The following ADCY1 variants were observed in gnomAD, a reference collection of about 807,000 sequenced individuals.
The protein encoded by ADCY1 is adenylate cyclase type 1.
Under a neutral mutation model 105.4 loss-of-function variants are expected in ADCY1, and 28 were observed. The ratio of observed to expected loss-of-function variants is 0.27; its 90% CI spans 0.20 to 0.36. The LOEUF is 0.36. Ranked by LOEUF, ADCY1 falls within the 10% of genes least tolerant of loss-of-function variation. ADCY1 has a pLI of 1.00. For synonymous variants in ADCY1, 655 were observed against 623.8 expected (o/e 1.05, Z -0.75); for missense variants, 977 against 1,434.2 (o/e 0.68, Z 5.15).
chr7:45,640,982 C>A (rs1794512996), intron 4 of ADCY1, among the ~76,000 whole-genome samples: 1 of 152,144 alleles, frequency 6.6e-6, no homozygotes, highest in Non-Finnish European at 1.5e-5. Context: ...TTTTGTTCAA[C>A]CTTTAATTGC....
At position 45,721,478 on chromosome 7, in the gene ADCY1, C is replaced by G. The variant is rs559596238; in HGVS notation, c.*7483C>G. ...TGCCTTATTTTTTTGTAAAGCCTCT[C>G]TGACATCAAATGGGGAGAAATGGTG... On this transcript the variant is annotated 3_prime_UTR_variant, in exon 20 of 20. Coordinates refer to ENST00000297323, the MANE Select transcript of ADCY1 (RefSeq NM_021116.4). 1 of 393,858 alleles carries G rather than the reference C, an allele frequency of 2.5e-6. No individual in the cohort carries two copies. The highest frequency in any genetic ancestry group is 4.5e-6 in the Non-Finnish European group (1 of 223,784). 24.4% of individuals were successfully genotyped at this position (393,858 alleles called of 1,614,324 possible). A position where few individuals can be genotyped will look rare whatever the true frequency, so the allele number is the denominator to read the frequency against.
chr7:45,581,844 A>AAC (rs769288579), intron 1 of ADCY1, among the ~76,000 whole-genome samples: 26 of 152,028 alleles, frequency 1.7e-4, no homozygotes, highest in Middle Eastern at 3.4e-3. Context: ...CACACACATA[A>AAC]ACACACACAC....
chr7:45,687,882 A>G (rs538409713), intron 14 of ADCY1, among the ~76,000 whole-genome samples: 1 of 152,284 alleles, frequency 6.6e-6, no homozygotes, highest in South Asian at 2.1e-4. Flanking sequence ...TTTTCACCCT[A>G]GTCCTACTCT....
intron 19 of ADCY1, among the ~76,000 whole-genome samples, chr7:45,712,047 T>A (rs1448052873): frequency 1.5e-5 from 2 of 129,262 alleles, no homozygotes; most frequent in Non-Finnish European, 3.1e-5. Context: ...ATATTTTATA[T>A]AATATATTAA....
intron 8 of ADCY1, among the ~76,000 whole-genome samples, chr7:45,668,717 C>T (rs1388854217): frequency 6.6e-6 from 1 of 152,324 alleles, no homozygotes; most frequent in East Asian, 1.9e-4. Flanking sequence ...AGCAGCTCCT[C>T]CTTGTACCTC....
intron 2 of ADCY1, among the ~76,000 whole-genome samples, chr7:45,604,079 C>T (rs762110192): frequency 4.6e-5 from 7 of 152,160 alleles, no homozygotes; most frequent in Non-Finnish European, 8.8e-5. Flanking sequence ...CCTAAAAGTA[C>T]AGTTGCTGGG....
intron 4 of ADCY1, among the ~76,000 whole-genome samples, chr7:45,631,917 C>T (rs1445709618): frequency 6.6e-6 from 1 of 152,142 alleles, no homozygotes; most frequent in Admixed American, 6.6e-5. Flanking sequence ...CCTGTGTTTT[C>T]TTCTAGGGGT....
At chr7:45,643,911 C>CG (rs1252105729) in intron 4 of ADCY1, among the ~76,000 whole-genome samples, 4 of 152,174 alleles carry the variant, frequency 2.6e-5, no homozygotes, top group Non-Finnish European at 5.9e-5. Flanking sequence ...GGGAGGCTTC[C>CG]GGGGACCTGA....
intron 3 of ADCY1, among the ~76,000 whole-genome samples, chr7:45,617,892 G>A (rs1199105563): frequency 1.3e-5 from 2 of 152,132 alleles, no homozygotes; most frequent in African/African-American, 4.8e-5. Flanking sequence ...CAAAATTCAT[G>A]TGTTACTACA....
intron 3 of ADCY1, among the ~76,000 whole-genome samples, chr7:45,617,796 CTG>C (rs1793778309): frequency 6.6e-6 from 1 of 152,166 alleles, no homozygotes; most frequent in African/African-American, 2.4e-5. Flanking sequence ...ACTAAAATGA[CTG>C]TAATACCCAA....
chr7:45,714,006 G>C lies in ADCY1; in HGVS notation c.*11G>C, dbSNP rs78072512. ...GGGAAGGAGGCTTAGTGGAGCCCACGTGGGCCTCTGGGGTGCACATGGGGT... is the reference window on the plus strand; with the variant it reads ...GGGAAGGAGGCTTAGTGGAGCCCACCTGGGCCTCTGGGGTGCACATGGGGT... On this transcript the variant is annotated 3_prime_UTR_variant, in exon 20 of 20. Coordinates refer to ENST00000297323, the MANE Select transcript of ADCY1 (RefSeq NM_021116.4). The C allele has an allele frequency of 2.6e-6, 2 of 769,054 alleles. No individual in the cohort carries two copies. Among genetic ancestry groups the C allele is most frequent in the South Asian group, 1.4e-5 (1 of 73,594 alleles). The allele number at this position is 769,054 out of a possible 1,614,324, so 47.6% of individuals were successfully genotyped here.
At position 45,703,767 on chromosome 7, in the gene ADCY1, C is replaced by G; in HGVS notation, c.2718+21C>G. The G allele has an allele frequency of 6.5e-7, 1 of 1,547,912 alleles. No individual in the cohort carries two copies. Among genetic ancestry groups the G allele is most frequent in the East Asian group, 2.3e-5 (1 of 44,222 alleles). ...ACGAGGTGAGGCTGTGCGTCGCCAT[C>G]CTGACCCCGCCTGGTTGTGGTGGTG... On this transcript the variant is annotated intron_variant, in intron 16 of 19. Coordinates refer to ENST00000297323, the MANE Select transcript of ADCY1 (RefSeq NM_021116.4). The surrounding 1 kb of genome is among the most constrained non-coding windows in gnomAD (Gnocchi z 5.9).
At chr7:45,633,586 G>A (rs1425252045) in intron 4 of ADCY1, among the ~76,000 whole-genome samples, 3 of 152,018 alleles carry the variant, frequency 2.0e-5, no homozygotes, top group Non-Finnish European at 4.4e-5. Context: ...GGCGGATCAC[G>A]AGATCAAGAG....
chr7:45,697,765 T>G (rs745721704), intron 14 of ADCY1, among the ~76,000 whole-genome samples: 22 of 152,218 alleles, frequency 1.4e-4, no homozygotes, highest in Non-Finnish European at 2.4e-4. Context: ...CTCCAACTAC[T>G]ATGTTGACTC....
chr7:45,630,485 G>C (rs993484988), intron 4 of ADCY1, among the ~76,000 whole-genome samples: 2 of 152,298 alleles, frequency 1.3e-5, no homozygotes, highest in South Asian at 2.1e-4. Flanking sequence ...GATATTTGCA[G>C]AACGATACTC....
chr7:45,708,162 G>A lies in ADCY1; in HGVS notation c.2818-188G>A, dbSNP rs1453391567. Among the ~76,000 whole-genome samples the A allele has an allele frequency of 6.6e-6, 1 of 152,226 alleles. No homozygotes were observed. Among genetic ancestry groups the A allele is most frequent in the Non-Finnish European group, 1.5e-5 (1 of 68,042 alleles). The stretch of plus-strand genomic sequence containing the variant: ...CTGTCTCTGCCCCTCAGGAGCCCCT[G>A]GGGCTTGGCCAATACCCTGCCTCTC... On this transcript the variant is annotated intron_variant, in intron 17 of 19. Coordinates refer to ENST00000297323, the MANE Select transcript of ADCY1 (RefSeq NM_021116.4). The surrounding 1 kb of genome is among the most constrained non-coding windows in gnomAD (Gnocchi z 4.7).
At chr7:45,658,993 C>T (rs994520204) in intron 6 of ADCY1, among the ~76,000 whole-genome samples, 3 of 152,200 alleles carry the variant, frequency 2.0e-5, no homozygotes, top group Non-Finnish European at 4.4e-5. Context: ...GGAATCGGCC[C>T]CTGTAGATGG....
Position 45,627,256 on chromosome 7 carries a change from GC to G in ADCY1, c.1020+4515del, listed in dbSNP as rs780337519. On this transcript the variant is annotated intron_variant, in intron 4 of 19. Transcript: ENST00000297323. ...GAAGCGGTGTCATTATGGCTCCGAA[GC>G]CTGTCTCCCTAGAAGAGAACTCCTA... is the stretch of plus-strand genomic sequence containing the variant. Among the ~76,000 whole-genome samples, 61 of 152,294 alleles carry G rather than the reference GC, an allele frequency of 4.0e-4. 1 individual carries two copies. Among genetic ancestry groups the G allele is most frequent in the Admixed American group, 1.3e-3 (20 of 15,300 alleles).
Position 45,714,059 on chromosome 7 carries a change from ACG to A in ADCY1, c.*65_*66del. ...GAATGCTCCGGGGGTGACACAGGCC[ACG>A]GTGGCTCCAGCCAGGACCAGCCAGA... On this transcript the variant is annotated 3_prime_UTR_variant, in exon 20 of 20. Transcript: ENST00000297323. The A allele has an allele frequency of 1.5e-6, 1 of 689,400 alleles. No individual in the cohort carries two copies. Among genetic ancestry groups the A allele is most frequent in the Non-Finnish European group, 2.7e-6 (1 of 374,414 alleles). The allele number at this position is 689,400 out of a possible 1,614,324, so 42.7% of individuals were successfully genotyped here.
Sources: allele counts gnomAD v4.1 joint callset (sites outside exome capture counted in the v4.1 genomes callset), GRCh38; gene constraint gnomAD v4.1.1; non-coding constraint Gnocchi (gnomAD v3.1); transcripts MANE v1.5; gene names NCBI Gene and HGNC (gene_info 2026-07-23, HGNC 2026-07-21).